Variants in GAS6 observed in about 807,000 individuals in gnomAD.
GAS6 encodes growth arrest-specific protein 6.
A neutral mutation model predicts 75.8 loss-of-function variants in GAS6; 41 were observed. That is an observed-to-expected ratio of 0.54 (90% confidence interval 0.42 to 0.70). GAS6 has a LOEUF of 0.70. GAS6 is among the 30% of genes least tolerant of loss of function. The pLI, the probability that GAS6 is intolerant of heterozygous loss-of-function variation, is 0.00. For synonymous variants in GAS6, 432 were observed against 412.6 expected (o/e 1.05, Z -0.57); for missense variants, 854 against 940.2 (o/e 0.91, Z 1.20).
intron 10 of GAS6, among the ~76,000 whole-genome samples, chr13:113,831,360 C>A (rs146319875): frequency 5.6e-4 from 84 of 151,314 alleles, no homozygotes; most frequent in African/African-American, 1.8e-3. Flanking sequence ...GCGTCCACGC[C>A]GTCCTACAGG....
intron 4 of GAS6, chr13:113,840,146 C>T (rs367543901): frequency 1.3e-4 from 52 of 391,116 alleles, no homozygotes; most frequent in African/African-American, 8.3e-4. Context: ...AACTGCCTGG[C>T]GTGAGGCCTG....
At chr13:113,859,064 G>A (rs527660250) in intron 2 of GAS6, among the ~76,000 whole-genome samples, 23 of 151,594 alleles carry the variant, frequency 1.5e-4, no homozygotes, top group African/African-American at 5.1e-4. Context: ...CTGTGTGTAC[G>A]TATGTCTATG....
chr13:113,837,284 G>A lies in GAS6; in HGVS notation c.589+785C>T, dbSNP rs1193565126. Among the ~76,000 whole-genome samples the A allele has an allele frequency of 6.6e-6, 1 of 152,092 alleles. No homozygotes were observed. The highest frequency in any genetic ancestry group is 1.5e-5 in the Non-Finnish European group (1 of 67,996). Reference sequence around the variant, plus strand: ...GCCTTTTGAAATCGGGGGATGGGGTGTGGCCCCTCCTGTCTGGTCAGATTC... The same window carrying A: ...GCCTTTTGAAATCGGGGGATGGGGTATGGCCCCTCCTGTCTGGTCAGATTC... On this transcript the variant is annotated intron_variant, in intron 6 of 14. Transcript: ENST00000327773. The surrounding 1 kb of genome is among the most constrained non-coding windows in gnomAD (Gnocchi z 5.1).
At position 113,863,128 on chromosome 13, in the gene GAS6, C is replaced by G. The variant is rs2051986317; in HGVS notation, c.255+447G>C. Among the ~76,000 whole-genome samples the G allele has an allele frequency of 6.6e-6, 1 of 152,182 alleles. No homozygotes were observed. Among genetic ancestry groups the G allele is most frequent in the Non-Finnish European group, 1.5e-5 (1 of 68,020 alleles). On this transcript the variant is annotated intron_variant, in intron 2 of 14. Coordinates refer to ENST00000327773, the MANE Select transcript of GAS6 (RefSeq NM_000820.4). This position sits in a 1 kb window ranked among gnomAD's most constrained non-coding sequence, Gnocchi z 9.4. ...GATTCCTGGAATCTTATTTTTGGAC[C>G]TGCTGCCGCAAGCAGTTCCCGCCCT...
In GAS6 at chr13:113,837,964, C is replaced by T; in HGVS notation, c.589+105G>A. The T allele has an allele frequency of 1.4e-6, 2 of 1,434,434 alleles. No individual in the cohort carries two copies. Among genetic ancestry groups the T allele is most frequent in the Non-Finnish European group, 1.9e-6 (2 of 1,050,276 alleles). 88.9% of individuals were successfully genotyped at this position (1,434,434 alleles called of 1,614,324 possible). ...GCAGGATGCCCCATCCCATCCAGAA[C>T]CACAGGAACCCAGCCAGCAGCAGCC... is the stretch of plus-strand genomic sequence containing the variant. On this transcript the variant is annotated intron_variant, in intron 6 of 14. Transcript: ENST00000327773. This position sits in a 1 kb window ranked among gnomAD's most constrained non-coding sequence, Gnocchi z 5.1.
At chr13:113,847,185 G>A (rs1473134054) in intron 3 of GAS6, 3 of 290,176 alleles carry the variant, frequency 1.0e-5, no homozygotes, top group South Asian at 2.8e-5. Context: ...AGAACGGCAC[G>A]GATGAACAGC....
At chr13:113,846,792 C>G (rs1027229225) in intron 3 of GAS6, among the ~76,000 whole-genome samples, 11 of 152,258 alleles carry the variant, frequency 7.2e-5, no homozygotes, top group Admixed American at 3.3e-4. Context: ...CCTCCACCAA[C>G]TCAGCGGAGT....
intron 2 of GAS6, among the ~76,000 whole-genome samples, chr13:113,852,518 T>C (rs533713207): frequency 2.0e-5 from 3 of 152,242 alleles, no homozygotes; most frequent in South Asian, 4.1e-4. Context: ...CCAAATTTGT[T>C]ATAAAACTAC....
intron 6 of GAS6, chr13:113,835,989 G>A: frequency 9.4e-7 from 1 of 1,060,182 alleles, no homozygotes. Flanking sequence ...ACCCCCCGGG[G>A]GCATTTGAAA....
At chr13:113,824,033 C>T (rs1336472737) in intron 12 of GAS6, among the ~76,000 whole-genome samples, 3 of 149,236 alleles carry the variant, frequency 2.0e-5, no homozygotes, top group African/African-American at 7.6e-5. Context: ...GTCATGAGCA[C>T]GGTGGTCTGG....
chr13:113,827,844 G>T (rs12585097), intron 11 of GAS6, among the ~76,000 whole-genome samples: 5 of 152,224 alleles, frequency 3.3e-5, no homozygotes, highest in Admixed American at 3.3e-4. Context: ...TGTGCTGAAG[G>T]GGAGAGAAGG....
At position 113,823,395 on chromosome 13, in the gene GAS6, T is replaced by C; in HGVS notation, c.1633A>G (p.Thr545Ala). The change falls in exon 13 of 15, where the codon ACG (threonine) becomes GCG (alanine). Residue 545 changes from threonine (T) to alanine (A), a missense_variant. Transcript: ENST00000327773. ...CCTACCTGCTTCTTGAGTTTCTTCG[T>C]GGAGTGATAGTCTACCAGTGCCACA... ...LSVALVDYHSTKKLKKQLVVL... is the reference protein window; with the variant it reads ...LSVALVDYHSAKKLKKQLVVL... 1.2e-6 allele frequency: 2 copies of C among 1,611,300 alleles called. No homozygotes were observed. The highest frequency in any genetic ancestry group is 1.7e-6 in the Non-Finnish European group (2 of 1,179,056).
At chr13:113,824,940 C>T (rs7399615) in intron 12 of GAS6, among the ~76,000 whole-genome samples, 30,663 of 152,066 alleles carry the variant, frequency 0.2, 3,583 homozygotes, top group South Asian at 0.46. Flanking sequence ...AGCTCCCAGT[C>T]GGGCGTGGTG....
intron 4 of GAS6, chr13:113,840,889 A>G (rs534848239): frequency 6.6e-6 from 1 of 152,372 alleles, no homozygotes; most frequent in South Asian, 2.1e-4. Flanking sequence ...GCTCCGGTCC[A>G]TTGATTCCAC....
At chr13:113,821,097 CT>C in intron 14 of GAS6, 79 bp from the exon 15 acceptor site, 2 of 1,504,716 alleles carry the variant, frequency 1.3e-6, no homozygotes, top group Non-Finnish European at 1.8e-6. Flanking sequence ...CCCGGCAGCG[CT>C]TGTGGCCAGC....
intron 7 of GAS6, 130 bp downstream of exon 7, chr13:113,835,383 G>A: frequency 1.8e-6 from 2 of 1,114,830 alleles, no homozygotes; most frequent in Non-Finnish European, 2.6e-6. Context: ...CAGGCTGATA[G>A]AAACAGGGAG....
intron 2 of GAS6, among the ~76,000 whole-genome samples, chr13:113,851,151 AAATG>A (rs927680287): frequency 7.2e-5 from 11 of 151,914 alleles, no homozygotes; most frequent in East Asian, 5.8e-4. Context: ...ATGGATGGAT[AAATG>A]AATGAGGATG....
chr13:113,839,437 A>T, intron 5 of GAS6: 1 of 323,946 alleles, frequency 3.1e-6, no homozygotes, highest in Non-Finnish European at 5.6e-6. Flanking sequence ...CTGACACCAC[A>T]GGTCTGCACT....
chr13:113,820,726 T>G lies in GAS6; in HGVS notation c.*138A>C. 1 of 1,040,480 alleles carries G rather than the reference T, an allele frequency of 9.6e-7. No homozygotes were observed. Among genetic ancestry groups the G allele is most frequent in the Non-Finnish European group, 1.4e-6 (1 of 738,340 alleles). The allele number at this position is 1,040,480 out of a possible 1,614,324, so 64.5% of individuals were successfully genotyped here. A position where few individuals can be genotyped will look rare whatever the true frequency, so the allele number is the denominator to read the frequency against. ...CAGAGGCCCCAAGTCCATCTCACTA[T>G]TTACAGATATGTTACAGGCCGGGAT... is the stretch of plus-strand genomic sequence containing the variant. On this transcript the variant is annotated 3_prime_UTR_variant, in exon 15 of 15. Transcript: ENST00000327773.
Sources: gnomAD v4.1 joint callset for allele counts (sites outside exome capture counted in the v4.1 genomes callset) on GRCh38, gnomAD v4.1.1 for gene constraint, Gnocchi (gnomAD v3.1) non-coding constraint, MANE v1.5 for transcripts, NCBI Gene and HGNC (gene_info 2026-07-23, HGNC 2026-07-21) for gene names.